GAP43: variants seen among roughly 807,000 people sequenced by gnomAD.
GAP43 encodes growth associated protein 43, also known as neuromodulin.
A neutral mutation model predicts 18.6 loss-of-function variants in GAP43; 6 were observed. The ratio of observed to expected loss-of-function variants is 0.32; its 90% CI spans 0.18 to 0.64. The LOEUF (loss-of-function observed/expected upper bound fraction) is 0.64, where lower values mean the gene tolerates loss of function less well. Ranked by LOEUF, GAP43 falls within the 30% of genes least tolerant of loss-of-function variation. The pLI is 0.78. For missense variants in GAP43, 292 were observed against 295.5 expected (o/e 0.99, Z 0.09); for synonymous variants, 115 against 111.4 (o/e 1.03, Z -0.20).
intron 1 of GAP43, among the ~76,000 whole-genome samples, chr3:115,639,253 C>G (rs143793159): frequency 6.6e-6 from 1 of 152,110 alleles, no homozygotes; most frequent in African/African-American, 2.4e-5. Flanking sequence ...CCAAGTGATA[C>G]CAGCTGGTTG....
At chr3:115,699,068 C>T (rs1709261789) in intron 2 of GAP43, among the ~76,000 whole-genome samples, 1 of 152,124 alleles carries the variant, frequency 6.6e-6, no homozygotes, top group Non-Finnish European at 1.5e-5. Context: ...CTTATGTGGA[C>T]AATTGTTGAT....
intron 1 of GAP43, among the ~76,000 whole-genome samples, chr3:115,625,133 G>A (rs907123724): frequency 2.0e-5 from 3 of 151,992 alleles, no homozygotes; most frequent in Non-Finnish European, 4.4e-5. Context: ...GGGGAGTGAG[G>A]ATGAAGGAGA....
chr3:115,639,985 A>G (rs541888150), intron 1 of GAP43, among the ~76,000 whole-genome samples: 1 of 152,192 alleles, frequency 6.6e-6, no homozygotes, highest in Non-Finnish European at 1.5e-5. Context: ...GAAATTAAAT[A>G]TACCTCTTTG....
intron 1 of GAP43, among the ~76,000 whole-genome samples, chr3:115,669,153 T>C (rs925502310): frequency 3.3e-5 from 5 of 152,170 alleles, no homozygotes; most frequent in Admixed American, 6.5e-5. Flanking sequence ...ATCAGTTGTC[T>C]TTATCTTAGA....
chr3:115,658,856 G>C (rs1003409072), intron 1 of GAP43: 8 of 152,508 alleles, frequency 5.2e-5, no homozygotes, highest in African/African-American at 1.7e-4. Context: ...GCACCCAGGG[G>C]CGATGCGCCG....
At position 115,676,517 on chromosome 3, in the gene GAP43, G is replaced by C; in HGVS notation, c.535G>C (p.Ala179Pro). The C allele has an allele frequency of 2.5e-6, 4 of 1,613,652 alleles. No homozygotes were observed. The highest frequency in any genetic ancestry group is 3.4e-6 in the Non-Finnish European group (4 of 1,179,952). ...GCCTGCTGCTGTCACTGCTGCTGCTGCCACCACCCCTGCCGCAGAGGATGC... is the reference window on the plus strand; with the variant it reads ...GCCTGCTGCTGTCACTGCTGCTGCTCCCACCACCCCTGCCGCAGAGGATGC... The part of the protein sequence containing the change: ...DVPAAVTAAA[A>P]TTPAAEDAAA... Residue 179 changes from alanine (A) to proline (P), a missense_variant, in exon 2 of 3, where the codon GCC becomes CCC. Ala to Pro is a conservative substitution (Grantham distance 27, BLOSUM62 -1). Transcript: ENST00000305124.
chr3:115,656,478 G>A (rs1004641884), intron 1 of GAP43, among the ~76,000 whole-genome samples: 7 of 152,164 alleles, frequency 4.6e-5, no homozygotes, highest in Admixed American at 2.0e-4. Flanking sequence ...CTATGAATTG[G>A]ATTTAAACAA....
rs562066613 is a variant in GAP43 at position 115,706,633 on chromosome 3, C to A, written c.629-14161C>A. ...TGATTCTTGTATTACTGAATCATGA[C>A]TTCTCTTCTTTGCTGCCCTTCAAGT... is the stretch of plus-strand genomic sequence containing the variant. On this transcript the variant is annotated intron_variant, in intron 2 of 2. Coordinates refer to ENST00000305124, the MANE Select transcript of GAP43 (RefSeq NM_002045.4). Among the ~76,000 whole-genome samples, 3 of 152,318 alleles carry A rather than the reference C, an allele frequency of 2.0e-5. No homozygotes were observed. In the South Asian group the frequency reaches 6.2e-4, roughly 32 times the overall value.
At chr3:115,717,312 TG>T (rs1312107328) in intron 2 of GAP43, among the ~76,000 whole-genome samples, 1 of 69,996 alleles carries the variant, frequency 1.4e-5, no homozygotes, top group African/African-American at 5.0e-5. Flanking sequence ...TAAATTTTAT[TG>T]TCTTTTTTTT....
chr3:115,683,143 G>GCACA (rs1263644111), intron 2 of GAP43, among the ~76,000 whole-genome samples: 1,526 of 125,962 alleles, frequency 0.012, 23 homozygotes, highest in Non-Finnish European at 0.018. Context: ...GTGCGCGCGC[G>GCACA]CGCGCACACA....
chr3:115,664,026 T>C, intron 1 of GAP43: 1 of 1,000,814 alleles, frequency 1.0e-6, no homozygotes, highest in East Asian at 2.6e-5. Flanking sequence ...TTAACTAATG[T>C]CCTTCTACTT....
chr3:115,639,876 G>A (rs1334127921), intron 1 of GAP43, among the ~76,000 whole-genome samples: 3 of 152,002 alleles, frequency 2.0e-5, no homozygotes, highest in Admixed American at 2.0e-4. Flanking sequence ...AATTAAATCT[G>A]TTCCCTTTGC....
intron 2 of GAP43, among the ~76,000 whole-genome samples, chr3:115,700,329 C>CAA (rs757368272): frequency 6.6e-6 from 1 of 152,150 alleles, no homozygotes; most frequent in Non-Finnish European, 1.5e-5. Context: ...ATTCCTCCCT[C>CAA]TTCCTAGATG....
At chr3:115,637,802 T>G (rs2107468599) in intron 1 of GAP43, among the ~76,000 whole-genome samples, 1 of 152,190 alleles carries the variant, frequency 6.6e-6, no homozygotes, top group South Asian at 2.1e-4. Flanking sequence ...TCACCATGTC[T>G]TGCTCCCAAA....
intron 2 of GAP43, among the ~76,000 whole-genome samples, chr3:115,682,687 C>A (rs1708972295): frequency 6.6e-6 from 1 of 152,172 alleles, no homozygotes; most frequent in Admixed American, 6.5e-5. Context: ...CAGGCACCTG[C>A]CACCATGCCT....
At chr3:115,708,528 G>C (rs11919159) in intron 2 of GAP43, among the ~76,000 whole-genome samples, 3,208 of 152,274 alleles carry the variant, frequency 0.021, 112 homozygotes, top group African/African-American at 0.074. Flanking sequence ...TGAGAGAAAA[G>C]AGGATAGAGC....
At chr3:115,660,745 G>A (rs1708647658) in intron 1 of GAP43, among the ~76,000 whole-genome samples, 1 of 152,220 alleles carries the variant, frequency 6.6e-6, no homozygotes, top group Non-Finnish European at 1.5e-5. Flanking sequence ...TATTGGTTCA[G>A]TGGGCCTGGG....
chr3:115,657,703 G>A (rs9878849), intron 1 of GAP43, among the ~76,000 whole-genome samples: 10,945 of 152,096 alleles, frequency 0.072, 620 homozygotes, highest in Middle Eastern at 0.16. Flanking sequence ...CAAAACCAAT[G>A]TAACATATAT....
intron 1 of GAP43, among the ~76,000 whole-genome samples, chr3:115,669,996 A>AC (rs1224673632): frequency 9.8e-6 from 1 of 102,520 alleles, no homozygotes; most frequent in Non-Finnish European, 2.0e-5. Flanking sequence ...TTTTTTTTTT[A>AC]ATTTTTTTTT....
Sources: gnomAD v4.1 joint callset for allele counts (sites outside exome capture counted in the v4.1 genomes callset) on GRCh38, gnomAD v4.1.1 for gene constraint, MANE v1.5 for transcripts, NCBI Gene and HGNC (gene_info 2026-07-23, HGNC 2026-07-21) for gene names.